Variants in CACNG4 observed in about 807,000 individuals in gnomAD.
The protein encoded by CACNG4 is voltage-dependent calcium channel gamma-4 subunit.
CACNG4 carries 8 observed loss-of-function variants against 22.9 expected under a neutral mutation model. The ratio of observed to expected loss-of-function variants is 0.35; its 90% CI spans 0.21 to 0.63. CACNG4 has a LOEUF of 0.63. CACNG4 is among the 30% of genes least tolerant of loss of function. CACNG4 has a pLI of 0.72. For missense variants in CACNG4, 357 were observed against 455.4 expected (o/e 0.78, Z 1.97); for synonymous variants, 188 against 191.9 (o/e 0.98, Z 0.17).
At chr17:67,000,490 T>A (rs2143324705) in intron 1 of CACNG4, among the ~76,000 whole-genome samples, 1 of 152,228 alleles carries the variant, frequency 6.6e-6, no homozygotes, top group African/African-American at 2.4e-5. Flanking sequence ...GGCTGAGTGA[T>A]CTGTGCCTGG....
At chr17:66,998,168 A>G (rs189170149) in intron 1 of CACNG4, among the ~76,000 whole-genome samples, 13 of 152,276 alleles carry the variant, frequency 8.5e-5, no homozygotes, top group East Asian at 3.9e-4. Context: ...GAGGCCCCCA[A>G]TCTGAAGCAG....
chr17:67,017,579 G>A (rs1364086309), intron 1 of CACNG4, among the ~76,000 whole-genome samples: 8 of 151,934 alleles, frequency 5.3e-5, no homozygotes, highest in East Asian at 1.9e-4. Flanking sequence ...GTGCAGTGGC[G>A]CGATCTTGGC....
At chr17:66,990,052 A>T (rs775171402) in intron 1 of CACNG4, among the ~76,000 whole-genome samples, 26 of 152,354 alleles carry the variant, frequency 1.7e-4, no homozygotes, top group Admixed American at 5.9e-4. Flanking sequence ...ATTATCTCCC[A>T]GTCTCTGTGG....
intron 1 of CACNG4, among the ~76,000 whole-genome samples, chr17:66,974,876 G>A (rs566459527): frequency 3.3e-5 from 5 of 152,210 alleles, no homozygotes; most frequent in Admixed American, 1.3e-4. Context: ...CGTGGAAGCC[G>A]CCGCATCAGA....
At chr17:67,014,054 C>T (rs2035482873) in intron 1 of CACNG4, among the ~76,000 whole-genome samples, 3 of 152,120 alleles carry the variant, frequency 2.0e-5, no homozygotes, top group Admixed American at 6.6e-5. Flanking sequence ...CAAAGTCTCC[C>T]GCTAGTGGTC....
chr17:67,001,566 G>A (rs1232851199), intron 1 of CACNG4, among the ~76,000 whole-genome samples: 3 of 152,152 alleles, frequency 2.0e-5, no homozygotes, highest in Non-Finnish European at 4.4e-5. Context: ...GCTATCCCAG[G>A]CCCCCTCATG....
chr17:67,025,032 G>A lies in CACNG4; in HGVS notation c.445+32G>A, dbSNP rs191087200. On this transcript the variant is annotated intron_variant, in intron 3 of 3. Transcript: ENST00000262138. ...CGCCCGCCCGGGCTGGTGCTGGGCCGGGAGCTGGGGACACAGGAGTGCCTG... is the reference window on the plus strand; with the variant it reads ...CGCCCGCCCGGGCTGGTGCTGGGCCAGGAGCTGGGGACACAGGAGTGCCTG... 354 of 1,549,098 alleles carry A rather than the reference G, an allele frequency of 2.3e-4. 1 individual carries two copies. In the African/African-American group the frequency reaches 3.9e-3, roughly 17 times the overall value.
At chr17:66,965,670 C>G (rs2035165427) in intron 1 of CACNG4, among the ~76,000 whole-genome samples, 1 of 141,888 alleles carries the variant, frequency 7.0e-6, no homozygotes, top group African/African-American at 2.7e-5. Flanking sequence ...TGCCGCTGGG[C>G]GCTTTCTACA....
chr17:67,025,019 C>T lies in CACNG4; in HGVS notation c.445+19C>T. On this transcript the variant is annotated intron_variant, in intron 3 of 3. Coordinates refer to ENST00000262138, the MANE Select transcript of CACNG4 (RefSeq NM_014405.4). Reference sequence around the variant, plus strand: ...GCTGCAGGTGAGCCGCCCGCCCGGGCTGGTGCTGGGCCGGGAGCTGGGGAC... The same window carrying T: ...GCTGCAGGTGAGCCGCCCGCCCGGGTTGGTGCTGGGCCGGGAGCTGGGGAC... 1 of 1,572,628 alleles carries T rather than the reference C, an allele frequency of 6.4e-7. No homozygotes were observed. The highest frequency in any genetic ancestry group is 1.2e-5 in the South Asian group (1 of 83,866).
intron 1 of CACNG4, among the ~76,000 whole-genome samples, chr17:66,988,784 C>T (rs977058995): frequency 1.3e-5 from 2 of 152,098 alleles, no homozygotes; most frequent in Admixed American, 6.6e-5. Flanking sequence ...GGAGGCAGGG[C>T]GCGGTGGCTC....
At chr17:66,999,221 G>A (rs913640270) in intron 1 of CACNG4, among the ~76,000 whole-genome samples, 3 of 152,130 alleles carry the variant, frequency 2.0e-5, no homozygotes, top group Non-Finnish European at 4.4e-5. Context: ...TACATAGAAC[G>A]GCGATGACCT....
chr17:66,977,246 G>C (rs1350760664), intron 1 of CACNG4, among the ~76,000 whole-genome samples: 1 of 152,134 alleles, frequency 6.6e-6, no homozygotes, highest in East Asian at 1.9e-4. Context: ...AGTACCTTCT[G>C]GTGAGAACAC....
At chr17:67,021,512 T>G (rs1368165280) in intron 2 of CACNG4, 1 of 152,240 alleles carries the variant, frequency 6.6e-6, no homozygotes, top group African/African-American at 2.4e-5. Flanking sequence ...TGGGCTTGTG[T>G]TGTTTGTTGC....
chr17:67,023,869 G>A lies in CACNG4; in HGVS notation c.305-991G>A, dbSNP rs1000508796. Among the ~76,000 whole-genome samples, 6 of 152,326 alleles carry A rather than the reference G, an allele frequency of 3.9e-5. No homozygotes were observed. In the South Asian group the frequency reaches 6.2e-4, roughly 16 times the overall value. On this transcript the variant is annotated intron_variant, in intron 2 of 3. Transcript: ENST00000262138. ...TGGGATTACAGGCATGAGCCACTGC[G>A]CCTGGCCAAGGCCCTTTTTCCAAAT... is the stretch of plus-strand genomic sequence containing the variant.
At position 67,014,538 on chromosome 17, in the gene CACNG4, C is replaced by T. The variant is rs534181797; in HGVS notation, c.221-3651C>T. Among the ~76,000 whole-genome samples the T allele has an allele frequency of 2.0e-5, 3 of 152,194 alleles. No individual in the cohort carries two copies. The East Asian group carries it at 5.8e-4, about 29-fold the overall frequency. ...CCAATGTGGTTTGAGCTGGTCAGACCCAGCCTGAACGTTGGGTTTGGTGGT... is the reference window on the plus strand; with the variant it reads ...CCAATGTGGTTTGAGCTGGTCAGACTCAGCCTGAACGTTGGGTTTGGTGGT... On this transcript the variant is annotated intron_variant, in intron 1 of 3. Coordinates refer to ENST00000262138, the MANE Select transcript of CACNG4 (RefSeq NM_014405.4).
At chr17:66,966,787 A>G (rs1351545819) in intron 1 of CACNG4, among the ~76,000 whole-genome samples, 1 of 152,212 alleles carries the variant, frequency 6.6e-6, no homozygotes, top group African/African-American at 2.4e-5. Context: ...ACAGCCACAC[A>G]AAAGAGCCAG....
Position 67,030,483 on chromosome 17 carries a change from G to A in CACNG4, c.463G>A (p.Gly155Ser), listed in dbSNP as rs763983450. The A allele has an allele frequency of 1.9e-6, 3 of 1,613,584 alleles. No homozygotes were observed. Among genetic ancestry groups the A allele is most frequent in the South Asian group, 2.2e-5 (2 of 91,056 alleles). Residue 155 changes from glycine to serine, a missense_variant, in exon 4 of 4, where the codon GGT (glycine) becomes AGT (serine). Gly to Ser is a moderately conservative substitution (Grantham distance 56). This residue lies in a region of CACNG4 where 240 missense variants were observed against 277.6 expected (regional missense o/e 0.86). Coordinates refer to ENST00000262138, the MANE Select transcript of CACNG4 (RefSeq NM_014405.4). The surrounding 1 kb of genome is among the most constrained non-coding windows in gnomAD (Gnocchi z 6.4). ...FVAAGLSNII[G>S]IIVYISSNTG... ...CCTTTCAGGCCTCAGTAACATCATC[G>A]GTATCATCGTCTACATTTCCAGCAA...
chr17:67,031,631 C>T lies in CACNG4; in HGVS notation c.*627C>T, dbSNP rs2035607193. On this transcript the variant is annotated 3_prime_UTR_variant, in exon 4 of 4. Coordinates refer to ENST00000262138, the MANE Select transcript of CACNG4 (RefSeq NM_014405.4). This position sits in a 1 kb window ranked among gnomAD's most constrained non-coding sequence, Gnocchi z 4.0. ...GGCCTTTGCGCTGTCCCGGGGCCAGCTTCCCTCGACCTGGGGAGGCCGTGG... is the reference window on the plus strand; with the variant it reads ...GGCCTTTGCGCTGTCCCGGGGCCAGTTTCCCTCGACCTGGGGAGGCCGTGG... 1 of 456,800 alleles carries T rather than the reference C, an allele frequency of 2.2e-6. No individual in the cohort carries two copies. Among genetic ancestry groups the T allele is most frequent in the Non-Finnish European group, 4.4e-6 (1 of 226,978 alleles). 28.3% of individuals were successfully genotyped at this position (456,800 alleles called of 1,614,324 possible).
rs527292384 is a variant in CACNG4 at position 66,970,980 on chromosome 17, G to A, written c.220+5849G>A. On this transcript the variant is annotated intron_variant, in intron 1 of 3. Coordinates refer to ENST00000262138, the MANE Select transcript of CACNG4 (RefSeq NM_014405.4). ...TCCAGGACATAGTGACAGAAGTGCC[G>A]AGTAGGAAGGGGCCTCAGGTCACCA... Among the ~76,000 whole-genome samples, 10 of 152,300 alleles carry A rather than the reference G, an allele frequency of 6.6e-5. No homozygotes were observed. The South Asian group carries it at 8.3e-4, about 13-fold the overall frequency.
Sources: allele counts gnomAD v4.1 joint callset (sites outside exome capture counted in the v4.1 genomes callset), GRCh38; gene constraint gnomAD v4.1.1; regional missense constraint gnomAD v4.1.1; non-coding constraint Gnocchi (gnomAD v3.1); transcripts MANE v1.5; gene names NCBI Gene and HGNC (gene_info 2026-07-23, HGNC 2026-07-21).